OSBPL9: variants seen among roughly 807,000 people sequenced by gnomAD.
The protein encoded by OSBPL9 is oxysterol-binding protein-related protein 9.
A neutral mutation model predicts 106.6 loss-of-function variants in OSBPL9; 40 were observed. That is an observed-to-expected ratio of 0.38 (90% CI 0.29 to 0.49). OSBPL9 has a LOEUF of 0.49. Among genes scored for constraint, OSBPL9 ranks in the 20% least tolerant of loss-of-function variants. The pLI is 0.97. For synonymous variants in OSBPL9, 269 were observed against 295.4 expected, an observed-to-expected ratio of 0.91 and a Z score of 0.92; for missense variants, 609 against 887.2, an observed-to-expected ratio of 0.69 and a Z score of 3.98.
At chr1:51,719,988 G>C (rs1239024214) in intron 4 of OSBPL9, among the ~76,000 whole-genome samples, 1 of 152,212 alleles carries the variant, frequency 6.6e-6, no homozygotes, top group Non-Finnish European at 1.5e-5. Flanking sequence ...TGTGTTCTCT[G>C]TTCTAACTAC....
chr1:51,587,639 T>A (rs1645253121), intron 1 of OSBPL9, among the ~76,000 whole-genome samples: 1 of 152,208 alleles, frequency 6.6e-6, no homozygotes, highest in Admixed American at 6.5e-5. Flanking sequence ...GAGGTGGAGA[T>A]CCATCAACTT....
chr1:51,615,095 A>G (rs1644019114), upstream of OSBPL9, among the ~76,000 whole-genome samples: 1 of 152,190 alleles, frequency 6.6e-6, no homozygotes, highest in Non-Finnish European at 1.5e-5. Context: ...CCTCGTCTCT[A>G]CTAAAAATAC....
the OSBPL9 span, among the ~76,000 whole-genome samples, chr1:51,522,787 G>A: frequency 6.6e-6 from 1 of 152,156 alleles, no homozygotes. Flanking sequence ...ACTTTGTATG[G>A]ATGGTTTAAG....
intron 1 of OSBPL9, among the ~76,000 whole-genome samples, chr1:51,580,534 G>A (rs189776508): frequency 1.6e-3 from 249 of 152,140 alleles, no homozygotes; most frequent in Non-Finnish European, 1.9e-3. Context: ...AAAAAAGTGT[G>A]CCTTAAATAA....
At position 51,729,973 on chromosome 1, in the gene OSBPL9, G is replaced by C; in HGVS notation, c.319-15563G>C. On this transcript the variant is annotated intron_variant, in intron 4 of 23. Transcript: ENST00000428468. The surrounding 1 kb of genome is among the most constrained non-coding windows in gnomAD (Gnocchi z 5.1). The stretch of plus-strand genomic sequence containing the variant: ...AGGCACAGAGGGCGGGGGCCTTGGC[G>C]AATGGCTTTCTTGCTGGCCACTTGC... 7.6e-7 allele frequency: 1 copy of C among 1,316,876 alleles called. No homozygotes were observed. The highest frequency in any genetic ancestry group is 9.8e-7 in the Non-Finnish European group (1 of 1,024,958). The allele number at this position is 1,316,876 out of a possible 1,614,324, so 81.6% of individuals were successfully genotyped here.
the OSBPL9 span, among the ~76,000 whole-genome samples, chr1:51,555,228 A>G: frequency 6.6e-6 from 1 of 152,018 alleles, no homozygotes; most frequent in African/African-American, 2.4e-5. Context: ...GCAGTGGCTC[A>G]CCCCTGTAAT....
chr1:51,753,965 C>T (rs1557808181), intron 8 of OSBPL9, among the ~76,000 whole-genome samples: 23 of 152,180 alleles, frequency 1.5e-4, no homozygotes, highest in Non-Finnish European at 2.9e-5. Flanking sequence ...AGTTTTGAGA[C>T]CACCTGGTTA....
the OSBPL9 span, among the ~76,000 whole-genome samples, chr1:51,531,616 G>A: frequency 6.6e-6 from 1 of 152,228 alleles, no homozygotes; most frequent in African/African-American, 2.4e-5. Context: ...CCAATTTAGA[G>A]AGAATATCGG....
At chr1:51,628,596 A>C (rs1411453160) in intron 1 of OSBPL9, among the ~76,000 whole-genome samples, 1 of 152,098 alleles carries the variant, frequency 6.6e-6, no homozygotes, top group African/African-American at 2.4e-5. Flanking sequence ...AAAAATAAAA[A>C]AGAAAAGAGA....
At chr1:51,773,787 CT>C (rs1674445737) in intron 14 of OSBPL9, among the ~76,000 whole-genome samples, 1 of 152,062 alleles carries the variant, frequency 6.6e-6, no homozygotes, top group Non-Finnish European at 1.5e-5. Flanking sequence ...GTAATAAAAC[CT>C]TTTACCCCTA....
the OSBPL9 span, among the ~76,000 whole-genome samples, chr1:51,569,075 A>C: frequency 6.6e-6 from 1 of 152,216 alleles, no homozygotes; most frequent in South Asian, 2.1e-4. Context: ...TCCAAAACAC[A>C]CACGTGCTTA....
chr1:51,656,338 A>G (rs1038119411), intron 2 of OSBPL9, among the ~76,000 whole-genome samples: 1 of 152,142 alleles, frequency 6.6e-6, no homozygotes, highest in Admixed American at 6.5e-5. Context: ...CTAGATTCCA[A>G]ATGAGCTTAA....
intron 11 of OSBPL9, 142 bp from the exon 12 acceptor site, chr1:51,765,680 G>T: frequency 1.5e-6 from 1 of 660,400 alleles, no homozygotes; most frequent in East Asian, 3.1e-5. Context: ...TTTAAATGTT[G>T]ATTTTCTTTA....
chr1:51,606,011 G>C (rs1452977883), intron 2 of OSBPL9, among the ~76,000 whole-genome samples: 2 of 149,360 alleles, frequency 1.3e-5, no homozygotes, highest in African/African-American at 4.9e-5. Context: ...GAGAGAGAAA[G>C]AAAAAAGAAA....
At position 51,738,592 on chromosome 1, in the gene OSBPL9, GCT is replaced by G. The variant is rs1666215070; in HGVS notation, c.319-6941_319-6940del. ...CATCTCATATTGGAATATTTTTCCTGCTCTGTTTTCCATACTGTGTTTTACCA... is the reference window on the plus strand; with the variant it reads ...CATCTCATATTGGAATATTTTTCCTGCTGTTTTCCATACTGTGTTTTACCA... On this transcript the variant is annotated intron_variant, in intron 4 of 23. Transcript: ENST00000428468. Among the ~76,000 whole-genome samples, 4 of 151,972 alleles carry G rather than the reference GCT, an allele frequency of 2.6e-5. No individual in the cohort carries two copies. In the South Asian group the frequency reaches 8.3e-4, roughly 32 times the overall value.
At chr1:51,640,297 G>A (rs1645706177) in intron 1 of OSBPL9, among the ~76,000 whole-genome samples, 1 of 152,010 alleles carries the variant, frequency 6.6e-6, no homozygotes, top group South Asian at 2.1e-4. Flanking sequence ...GTATATACTG[G>A]CACCAAGCTA....
the OSBPL9 span, among the ~76,000 whole-genome samples, chr1:51,538,249 G>A: frequency 1.3e-5 from 2 of 152,040 alleles, no homozygotes; most frequent in Admixed American, 1.3e-4. Context: ...CCAAGATCAC[G>A]CCACTGCACT....
chr1:51,784,427 CTT>C lies in OSBPL9; in HGVS notation c.1689-12_1689-11del, dbSNP rs759189261. The C allele has an allele frequency of 4.8e-5, 78 of 1,613,894 alleles. No individual in the cohort carries two copies. Among genetic ancestry groups the C allele is most frequent in the Non-Finnish European group, 6.5e-5 (77 of 1,179,882 alleles). Reference sequence around the variant, plus strand: ...CTTAACTGTCAACCTTACCTAAAAACTTTTGATTTTGCAGGTCTATCCTCACA... The same window carrying C: ...CTTAACTGTCAACCTTACCTAAAAACTTGATTTTGCAGGTCTATCCTCACA... On this transcript the variant is annotated splice_polypyrimidine_tract_variant and intron_variant, in intron 19 of 23. Transcript: ENST00000428468.
chr1:51,634,315 G>C (rs1259738670), intron 1 of OSBPL9, among the ~76,000 whole-genome samples: 1 of 152,134 alleles, frequency 6.6e-6, no homozygotes, highest in Admixed American at 6.6e-5. Context: ...ACTGATGGTG[G>C]AGGAGCATAA....
Sources: allele counts gnomAD v4.1 joint callset (sites outside exome capture counted in the v4.1 genomes callset), GRCh38; gene constraint gnomAD v4.1.1; non-coding constraint Gnocchi (gnomAD v3.1); transcripts MANE v1.5; gene names NCBI Gene and HGNC (gene_info 2026-07-23, HGNC 2026-07-21).